Variants in SSH1 observed in about 807,000 individuals in gnomAD.
SSH1 encodes the protein slingshot protein phosphatase 1.
A neutral mutation model predicts 79.7 loss-of-function variants in SSH1; 43 were observed. The observed-to-expected ratio is 0.54, with a 90% CI of 0.42 to 0.70. SSH1 has a LOEUF of 0.70. SSH1 is among the 30% of genes least tolerant of loss of function. The pLI, the probability that SSH1 is intolerant of heterozygous loss-of-function variation, is 0.00. For missense variants in SSH1, 1,206 were observed against 1,358.8 expected (o/e 0.89, Z 1.77); for synonymous variants, 599 against 538.3 (o/e 1.11, Z -1.56).
At chr12:108,815,531 A>C (rs2037845145) in intron 5 of SSH1, among the ~76,000 whole-genome samples, 1 of 152,248 alleles carries the variant, frequency 6.6e-6, no homozygotes, top group South Asian at 2.1e-4. Context: ...CTGGAAGAAC[A>C]ATTACAACCG....
chr12:108,853,322 A>C, intron 1 of SSH1: 2 of 985,330 alleles, frequency 2.0e-6, no homozygotes, highest in Non-Finnish European at 2.4e-6. Flanking sequence ...TGGGCTCCAG[A>C]AGTACCTATG....
chr12:108,823,709 C>G (rs2038212299), intron 2 of SSH1, among the ~76,000 whole-genome samples: 2 of 152,016 alleles, frequency 1.3e-5, no homozygotes, highest in Admixed American at 1.3e-4. Flanking sequence ...ACTCTGTCAT[C>G]CAGGCTGGAG....
chr12:108,831,423 TC>T (rs2038471019), intron 2 of SSH1, among the ~76,000 whole-genome samples: 1 of 152,210 alleles, frequency 6.6e-6, no homozygotes. Flanking sequence ...GTCTATTGTG[TC>T]CGGTCAGTGC....
Position 108,780,972 on chromosome 12 carries a change from A to C in SSH1, c.*7016T>G, listed in dbSNP as rs1337358892. The C allele has an allele frequency of 6.6e-6, 1 of 151,848 alleles. No individual in the cohort carries two copies. The highest frequency in any genetic ancestry group is 1.5e-5 in the Non-Finnish European group (1 of 67,998). 9.4% of individuals were successfully genotyped at this position (151,848 alleles called of 1,614,324 possible). ...AAAATCACTTGAACCCAGGAGGCAG[A>C]GGTTGCGGTGAGCTGAGATCACACC... On this transcript the variant is annotated 3_prime_UTR_variant, in exon 15 of 15. Transcript: ENST00000326495.
rs369122430 is a variant in SSH1, at chr12:108,792,815, T to C, written c.1364A>G (p.Asn455Ser). The C allele has an allele frequency of 9.9e-6, 16 of 1,613,446 alleles. No individual in the cohort carries two copies. The East Asian group carries it at 1.6e-4, about 16-fold the overall frequency. The part of the protein sequence containing the change: ...GILDASKQRH[N>S]KLWRQQTDSS... Reference sequence around the variant, plus strand: ...GTCTGTCTGCTGACGCCACAGCTTGTTGTGCCGCTGTTTGCTGCGGGGAGA... The same window carrying C: ...GTCTGTCTGCTGACGCCACAGCTTGCTGTGCCGCTGTTTGCTGCGGGGAGA... The change falls in exon 14 of 15, where the codon AAC becomes AGC. Residue 455 changes from asparagine (N) to serine (S), a missense_variant. Transcript: ENST00000326495.
chr12:108,778,530 G>T lies in SSH1; in HGVS notation c.*9458C>A, dbSNP rs1468598539. On this transcript the variant is annotated 3_prime_UTR_variant, in exon 15 of 15. Transcript: ENST00000326495. Reference sequence around the variant, plus strand: ...CTCTGTAAAACAGAATCATATCTGCGGTGAGGATTAACTTGGTAATACATG... The same window carrying T: ...CTCTGTAAAACAGAATCATATCTGCTGTGAGGATTAACTTGGTAATACATG... The T allele has an allele frequency of 6.6e-6, 1 of 152,200 alleles. No homozygotes were observed. The highest frequency in any genetic ancestry group is 1.5e-5 in the Non-Finnish European group (1 of 68,012). 9.4% of individuals were successfully genotyped at this position (152,200 alleles called of 1,614,324 possible). A position where few individuals can be genotyped will look rare whatever the true frequency, so the allele number is the denominator to read the frequency against.
chr12:108,798,700 C>T (rs1001877686), intron 13 of SSH1, among the ~76,000 whole-genome samples: 9 of 152,346 alleles, frequency 5.9e-5, no homozygotes, highest in African/African-American at 2.2e-4. Context: ...CGTGCTTACG[C>T]CACACACACG....
In SSH1 at chr12:108,807,069, G is replaced by A. The variant is rs528063655; in HGVS notation, c.731+564C>T. ...AGCAGGGTCCTGACCCCGAGGGGAGGGGCGACCAGCATTCTCCCTAACTAG... is the reference window on the plus strand; with the variant it reads ...AGCAGGGTCCTGACCCCGAGGGGAGAGGCGACCAGCATTCTCCCTAACTAG... On this transcript the variant is annotated intron_variant, in intron 8 of 14. Coordinates refer to ENST00000326495, the MANE Select transcript of SSH1 (RefSeq NM_018984.4). The surrounding 1 kb of genome is among the most constrained non-coding windows in gnomAD (Gnocchi z 5.2). 1.8e-4 allele frequency among the ~76,000 whole-genome samples: 27 copies of A among 152,290 alleles called. No individual in the cohort carries two copies. The highest frequency in any genetic ancestry group is 6.0e-4 in the African/African-American group (25 of 41,566).
Position 108,778,353 on chromosome 12 carries a change from T to A in SSH1, c.*9635A>T, listed in dbSNP as rs2036117080. On this transcript the variant is annotated 3_prime_UTR_variant, in exon 15 of 15. Transcript: ENST00000326495. ...TGAGCATCTACTGCCCTCTAAGCAT[T>A]GCACACATGCATTAGGGACTATTTT... is the stretch of plus-strand genomic sequence containing the variant. The A allele has an allele frequency of 6.6e-6, 1 of 152,210 alleles. No individual in the cohort carries two copies. The highest frequency in any genetic ancestry group is 2.4e-5 in the African/African-American group (1 of 41,446). The allele number at this position is 152,210 out of a possible 1,614,324, so 9.4% of individuals were successfully genotyped here.
At chr12:108,797,229 C>T (rs530020122) in intron 13 of SSH1, among the ~76,000 whole-genome samples, 2 of 152,114 alleles carry the variant, frequency 1.3e-5, no homozygotes, top group Non-Finnish European at 2.9e-5. Context: ...TGGGCTCAAG[C>T]AACCCTCTGA....
intron 2 of SSH1, among the ~76,000 whole-genome samples, chr12:108,832,771 C>A (rs2038505616): frequency 6.6e-6 from 1 of 152,194 alleles, no homozygotes; most frequent in African/African-American, 2.4e-5. Flanking sequence ...TGCAGTGCAA[C>A]ATGGCAGGGC....
rs1291995523 is a variant in SSH1 at position 108,811,205 on chromosome 12, T to C, written c.470+55A>G. On this transcript the variant is annotated intron_variant, in intron 6 of 14. Coordinates refer to ENST00000326495, the MANE Select transcript of SSH1 (RefSeq NM_018984.4). ...ATCCAAGGATGCCTGAACCAGCTCGTGTTTTCAATGCCTACTACATACAGT... is the reference window on the plus strand; with the variant it reads ...ATCCAAGGATGCCTGAACCAGCTCGCGTTTTCAATGCCTACTACATACAGT... 2.6e-6 allele frequency: 4 copies of C among 1,529,224 alleles called. No individual in the cohort carries two copies. In the Admixed American group the frequency reaches 6.7e-5, roughly 26 times the overall value. The allele number at this position is 1,529,224 out of a possible 1,614,324, so 94.7% of individuals were successfully genotyped here.
At chr12:108,790,988 T>G (rs143716789) in intron 14 of SSH1, among the ~76,000 whole-genome samples, 8 of 152,200 alleles carry the variant, frequency 5.3e-5, no homozygotes, top group Admixed American at 2.0e-4. Context: ...AAGCACCAGG[T>G]TGAAGCTCAA....
chr12:108,848,145 A>G (rs2038941607), intron 2 of SSH1, among the ~76,000 whole-genome samples: 1 of 152,154 alleles, frequency 6.6e-6, no homozygotes, highest in African/African-American at 2.4e-5. Context: ...AGAAGCATCA[A>G]GGGACCAGGG....
chr12:108,799,335 G>A (rs1030185050), intron 12 of SSH1, 135 bp from the exon 13 acceptor site: 13 of 710,196 alleles, frequency 1.8e-5, no homozygotes, highest in Middle Eastern at 3.9e-4. Context: ...TCTTACTGCC[G>A]AAATCCTCCT....
rs1245506736 is a variant in SSH1 at position 108,811,490 on chromosome 12, C to G, written c.402-162G>C. The G allele has an allele frequency of 7.1e-6, 5 of 705,990 alleles. No homozygotes were observed. In the Admixed American group the frequency reaches 1.0e-4, roughly 14 times the overall value. The allele number at this position is 705,990 out of a possible 1,614,324, so 43.7% of individuals were successfully genotyped here. A position where few individuals can be genotyped will look rare whatever the true frequency, so the allele number is the denominator to read the frequency against. ...CTGATGAATTCTAGAAGACACAGGT[C>G]TGGGATGGCCCTGTGGACACAACTC... On this transcript the variant is annotated intron_variant, in intron 5 of 14. Coordinates refer to ENST00000326495, the MANE Select transcript of SSH1 (RefSeq NM_018984.4).
intron 5 of SSH1, among the ~76,000 whole-genome samples, chr12:108,816,354 T>C (rs2137148409): frequency 6.6e-6 from 1 of 152,380 alleles, no homozygotes. Flanking sequence ...AATGAGTCGA[T>C]GAATGAATGA....
Position 108,784,368 on chromosome 12 carries a change from G to C in SSH1, c.*3620C>G, listed in dbSNP as rs1039876347. 2 of 152,302 alleles carry C rather than the reference G, an allele frequency of 1.3e-5. No individual in the cohort carries two copies. Among genetic ancestry groups the C allele is most frequent in the Non-Finnish European group, 1.5e-5 (1 of 68,062 alleles). 9.4% of individuals were successfully genotyped at this position (152,302 alleles called of 1,614,324 possible). ...GAAGAGGACAGGGTGGAGCAGAATG[G>C]GCTTGGACAGTACAGCTGTCTGTGT... On this transcript the variant is annotated 3_prime_UTR_variant, in exon 15 of 15. Coordinates refer to ENST00000326495, the MANE Select transcript of SSH1 (RefSeq NM_018984.4).
intron 13 of SSH1, among the ~76,000 whole-genome samples, chr12:108,793,717 T>G (rs2036615001): frequency 6.6e-6 from 1 of 152,064 alleles, no homozygotes; most frequent in Non-Finnish European, 1.5e-5. Context: ...TTTTAAAATG[T>G]AAGGCATAAA....
Sources: gnomAD v4.1 joint callset for allele counts (sites outside exome capture counted in the v4.1 genomes callset) on GRCh38, gnomAD v4.1.1 for gene constraint, Gnocchi (gnomAD v3.1) non-coding constraint, MANE v1.5 for transcripts, NCBI Gene and HGNC (gene_info 2026-07-23, HGNC 2026-07-21) for gene names.